The following CYP11B2 variants were observed in gnomAD, a reference collection of about 807,000 sequenced individuals.
The protein encoded by CYP11B2 is cytochrome P450 11B2, mitochondrial.
A neutral mutation model predicts 49.3 loss-of-function variants in CYP11B2; 38 were observed. That is an observed-to-expected ratio of 0.77 (90% CI 0.59 to 1.01). The LOEUF (loss-of-function observed/expected upper bound fraction) is 1.01, where lower values mean the gene tolerates loss of function less well. Ranked by LOEUF, CYP11B2 falls within the 50% of genes least tolerant of loss-of-function variation. The probability of loss-of-function intolerance (pLI) is 0.00; values close to 1 mark genes in which losing one functional copy is unlikely to be tolerated. For synonymous variants in CYP11B2, 290 were observed against 269.3 expected (o/e 1.08, Z -0.75); for missense variants, 669 against 655.5 (o/e 1.02, Z -0.23).
Position 142,915,097 on chromosome 8 carries a change from C to G in CYP11B2, c.544G>C (p.Gly182Arg). The change falls in exon 3 of 9, where the codon GGG becomes CGG. Residue 182 changes from glycine (G) to arginine (R), a missense_variant. Transcript: ENST00000323110. ...LKKKVLQNARGSLTLDVQPSI... is the reference protein window; with the variant it reads ...LKKKVLQNARRSLTLDVQPSI... ...GGCTGGACGTCCAGGGTCAGGCTCCCCCGGGCGTTCTGCAGCACCTTCTTC... is the reference window on the plus strand; with the variant it reads ...GGCTGGACGTCCAGGGTCAGGCTCCGCCGGGCGTTCTGCAGCACCTTCTTC... The G allele has an allele frequency of 1.2e-6, 2 of 1,613,826 alleles. No individual in the cohort carries two copies. The highest frequency in any genetic ancestry group is 1.7e-6 in the Non-Finnish European group (2 of 1,179,924).
At chr8:142,916,094 G>T (rs113909647) in intron 2 of CYP11B2, among the ~76,000 whole-genome samples, 1 of 59,376 alleles carries the variant, frequency 1.7e-5, no homozygotes, top group African/African-American at 4.0e-5. Context: ...ACACAGACAC[G>T]TGCACACACT....
At chr8:142,913,513 C>T in intron 5 of CYP11B2, 62 bp from the exon 6 acceptor site, 2 of 1,605,442 alleles carry the variant, frequency 1.2e-6, no homozygotes, top group Non-Finnish European at 8.5e-7. Flanking sequence ...CCGGGACACC[C>T]CTCCCAGGAC....
chr8:142,912,933 T>G (rs6397), intron 6 of CYP11B2, 48 bp from the exon 7 acceptor site: 1 of 1,477,756 alleles, frequency 6.8e-7, no homozygotes, highest in African/African-American at 1.4e-5. Flanking sequence ...GGATGGGGCT[T>G]CCTGTGCTCT....
chr8:142,913,288 A>G lies in CYP11B2; in HGVS notation c.1118T>C (p.Leu373Ser). ...PLLRAALKET[L>S]RLYPVGLFLE... ...GGAGGCCTCAGCCAGCACCCACCGC[A>G]AGGTCTCCTTGAGGGCCGCCCGCAG... Residue 373 changes from leucine (L) to serine (S), a missense_variant, in exon 6 of 9, where the codon TTG (leucine) becomes TCG (serine). Coordinates refer to ENST00000323110, the MANE Select transcript of CYP11B2 (RefSeq NM_000498.3). 6.2e-7 allele frequency: 1 copy of G among 1,612,964 alleles called. No homozygotes were observed. The highest frequency in any genetic ancestry group is 1.1e-5 in the South Asian group (1 of 91,042).
rs1586573244 is a variant in CYP11B2, at chr8:142,912,021, G to A, written c.1471C>T (p.Pro491Ser). 7 of 1,614,006 alleles carry A rather than the reference G, an allele frequency of 4.3e-6. No individual in the cohort carries two copies. The highest frequency in any genetic ancestry group is 5.9e-6 in the Non-Finnish European group (7 of 1,179,952). Residue 491 changes from proline to serine, a missense_variant, in exon 9 of 9, where the codon CCT becomes TCT. Physicochemically the swap from Pro to Ser is moderately conservative, Grantham distance 74. Coordinates refer to ENST00000323110, the MANE Select transcript of CYP11B2 (RefSeq NM_000498.3). Reference sequence around the variant, plus strand: ...AAAGTGAGGAGGGGGGACGTGCCAGGCCTCAATATGAAGCTGTAGACCATC... The same window carrying A: ...AAAGTGAGGAGGGGGGACGTGCCAGACCTCAATATGAAGCTGTAGACCATC... Reference protein sequence around the residue: ...IKMVYSFILRPGTSPLLTFRA... With the variant: ...IKMVYSFILRSGTSPLLTFRA...
At position 142,912,716 on chromosome 8, in the gene CYP11B2, C is replaced by G. The variant is rs769195070; in HGVS notation, c.1212G>C (p.Gln404His). 4.8e-5 allele frequency: 77 copies of G among 1,613,582 alleles called. No homozygotes were observed. The highest frequency in any genetic ancestry group is 1.6e-4 in the Middle Eastern group (1 of 6,084). Residue 404 changes from glutamine to histidine, a missense_variant, in exon 8 of 9, where the codon CAG (glutamine) becomes CAC (histidine). Physicochemically the swap from Gln to His is conservative, Grantham distance 24. Transcript: ENST00000323110. ...TGCGACCCAGCGAGTAGAGGAAAAC[C>G]TGTACCAATGTCTGCGGACGGTGCA... The part of the protein sequence containing the change: ...NYHIPAGTLV[Q>H]VFLYSLGRNA...
Position 142,917,058 on chromosome 8 carries a change from C to T in CYP11B2, c.395+1G>A, listed in dbSNP as rs774948236. 1.2e-6 allele frequency: 2 copies of T among 1,614,150 alleles called. No homozygotes were observed. Among genetic ancestry groups the T allele is most frequent in the Admixed American group, 3.3e-5 (2 of 60,030 alleles). ...CTCTCAGCTCCCAACTCGCCGCTTA[C>T]AACAAGAACACGCCACATTTGTGCC... On this transcript the variant is annotated splice_donor_variant, in intron 2 of 8. Coordinates refer to ENST00000323110, the MANE Select transcript of CYP11B2 (RefSeq NM_000498.3). LOFTEE classifies it high-confidence loss of function.
At chr8:142,912,959 C>G (rs1408519208) in intron 6 of CYP11B2, 74 bp from the exon 7 acceptor site, 14 of 1,497,516 alleles carry the variant, frequency 9.3e-6, no homozygotes, top group South Asian at 2.3e-5. Context: ...CCCTTCCTAC[C>G]GAAGACCCCG....
chr8:142,911,820 GC>G lies in CYP11B2; in HGVS notation c.*159del. The G allele has an allele frequency of 9.2e-7, 1 of 1,092,340 alleles. No homozygotes were observed. Among genetic ancestry groups the G allele is most frequent in the Non-Finnish European group, 1.3e-6 (1 of 766,010 alleles). 67.7% of individuals were successfully genotyped at this position (1,092,340 alleles called of 1,614,324 possible). Reference sequence around the variant, plus strand: ...CCTTGCTATTTGACAAGCCTGGCAAGCCCCAGTCCTGGAGGCCCTGGGGAGT... The same window carrying G: ...CCTTGCTATTTGACAAGCCTGGCAAGCCCAGTCCTGGAGGCCCTGGGGAGT... On this transcript the variant is annotated 3_prime_UTR_variant, in exon 9 of 9. Coordinates refer to ENST00000323110, the MANE Select transcript of CYP11B2 (RefSeq NM_000498.3).
Position 142,917,741 on chromosome 8 carries a change from TC to T in CYP11B2, c.99del (p.Thr34ArgfsTer17). 6.2e-7 allele frequency: 1 copy of T among 1,614,176 alleles called. No individual in the cohort carries two copies. Among genetic ancestry groups the T allele is most frequent in the Non-Finnish European group, 8.5e-7 (1 of 1,180,034 alleles). On this transcript the variant is annotated frameshift_variant, in exon 1 of 9. Transcript: ENST00000323110. LOFTEE classifies it high-confidence loss of function. ...ALGTRAARAP[R>X]TVLPFEAMPQ... ...GGCATGGCTTCAAACGGCAGCACCGTCCTAGGGGCCCGAGCGGCTCTAGTGC... is the reference window on the plus strand; with the variant it reads ...GGCATGGCTTCAAACGGCAGCACCGTCTAGGGGCCCGAGCGGCTCTAGTGC...
rs778346287 is a variant in CYP11B2, at chr8:142,914,869, A to G, written c.635T>C (p.Val212Ala). 17 of 1,613,582 alleles carry G rather than the reference A, an allele frequency of 1.1e-5. No individual in the cohort carries two copies. The African/African-American group carries it at 1.9e-4, about 18-fold the overall frequency. ...GCTGGCAGAACTGGGGCTGTGGCCA[A>G]CCAGGCCCAGCCGCTCTCCAAAAAG... ...LALFGERLGLVGHSPSSASLN... is the reference protein window; with the variant it reads ...LALFGERLGLAGHSPSSASLN... The change falls in exon 4 of 9, where the codon GTT becomes GCT. Residue 212 changes from valine (V) to alanine (A), a missense_variant. Physicochemically the swap from Val to Ala is moderately conservative, Grantham distance 64. Transcript: ENST00000323110.
chr8:142,914,421 G>C lies in CYP11B2; in HGVS notation c.800-3C>G, dbSNP rs575997633. 13 of 1,609,386 alleles carry C rather than the reference G, an allele frequency of 8.1e-6. No homozygotes were observed. Among genetic ancestry groups the C allele is most frequent in the Non-Finnish European group, 1.1e-5 (13 of 1,178,150 alleles). On this transcript the variant is annotated splice_region_variant and splice_polypyrimidine_tract_variant and intron_variant, in intron 4 of 8. Transcript: ENST00000323110. ...GATTTTCTGGATACAGTTGTCACCT[G>C]TCCAGGGAGCAGGGGACAGCCCTCA...
chr8:142,916,846 C>T (rs1328943417), intron 2 of CYP11B2, among the ~76,000 whole-genome samples: 1 of 152,102 alleles, frequency 6.6e-6, no homozygotes, highest in African/African-American at 2.4e-5. Context: ...CAGAGGTGCC[C>T]GTGCCCATTT....
intron 5 of CYP11B2, 122 bp downstream of exon 5, chr8:142,914,142 C>G (rs1712769156): frequency 1.7e-6 from 2 of 1,171,616 alleles, no homozygotes; most frequent in Non-Finnish European, 2.5e-6. Context: ...CTGAGGGCAA[C>G]AGAAATGTGG....
rs1348178413 is a variant in CYP11B2 at position 142,912,570 on chromosome 8, C to T, written c.1358G>A (p.Arg453Gln). The change falls in exon 8 of 9, where the codon CGG (arginine) becomes CAG (glutamine). Residue 453 changes from arginine to glutamine, a missense_variant. Transcript: ENST00000323110. ...CAGCATCTCTGCCTCTGCCAGGCGCCGCCCGAGGCACTGGCGCATGCCAAA... is the reference window on the plus strand; with the variant it reads ...CAGCATCTCTGCCTCTGCCAGGCGCTGCCCGAGGCACTGGCGCATGCCAAA... The part of the protein sequence containing the change: ...FGFGMRQCLG[R>Q]RLAEAEMLLL... 9.3e-6 allele frequency: 15 copies of T among 1,613,968 alleles called. No homozygotes were observed. Among genetic ancestry groups the T allele is most frequent in the East Asian group, 2.2e-5 (1 of 44,880 alleles).
Position 142,917,050 on chromosome 8 carries a change from G to T in CYP11B2, c.395+9C>A, listed in dbSNP as rs769482132. The T allele has an allele frequency of 1.2e-6, 2 of 1,613,924 alleles. No homozygotes were observed. Among genetic ancestry groups the T allele is most frequent in the Non-Finnish European group, 1.7e-6 (2 of 1,179,940 alleles). ...GCTCCCAGCTCTCAGCTCCCAACTC[G>T]CCGCTTACAACAAGAACACGCCACA... is the stretch of plus-strand genomic sequence containing the variant. On this transcript the variant is annotated intron_variant, in intron 2 of 8. Coordinates refer to ENST00000323110, the MANE Select transcript of CYP11B2 (RefSeq NM_000498.3).
chr8:142,912,118 C>G (rs374323982), intron 8 of CYP11B2, 25 bp from the exon 9 acceptor site: 42 of 1,613,882 alleles, frequency 2.6e-5, no homozygotes, highest in Non-Finnish European at 3.6e-5. Context: ...GGGTTTCCAT[C>G]TGGCCTGGTC....
rs1021378564 is a variant in CYP11B2 at position 142,911,484 on chromosome 8, C to T, written c.*496G>A. The stretch of plus-strand genomic sequence containing the variant: ...ACTTTCAGAGAGCTCAGGGCATGCT[C>T]GAGCTGCCTGGGGTCAGGCTGCAGG... On this transcript the variant is annotated 3_prime_UTR_variant, in exon 9 of 9. Coordinates refer to ENST00000323110, the MANE Select transcript of CYP11B2 (RefSeq NM_000498.3). 3 of 188,356 alleles carry T rather than the reference C, an allele frequency of 1.6e-5. No homozygotes were observed. The highest frequency in any genetic ancestry group is 2.3e-5 in the African/African-American group (1 of 42,926). The allele number at this position is 188,356 out of a possible 1,614,324, so 11.7% of individuals were successfully genotyped here.
chr8:142,916,066 C>T (rs1384007915), intron 2 of CYP11B2, among the ~76,000 whole-genome samples: 1 of 149,166 alleles, frequency 6.7e-6, no homozygotes, highest in Admixed American at 6.8e-5. Context: ...TGTGCACACA[C>T]ACCACACATA....
Sources: allele counts gnomAD v4.1 joint callset (sites outside exome capture counted in the v4.1 genomes callset), GRCh38; gene constraint gnomAD v4.1.1; transcripts MANE v1.5; gene names NCBI Gene and HGNC (gene_info 2026-07-23, HGNC 2026-07-21).